Variants in SLC6A9 observed in about 807,000 individuals in gnomAD.
SLC6A9 encodes sodium- and chloride-dependent glycine transporter 1.
Under a neutral mutation model 70.9 loss-of-function variants are expected in SLC6A9, and 31 were observed. The ratio of observed to expected loss-of-function variants is 0.44; its 90% confidence interval spans 0.33 to 0.59. SLC6A9 has a LOEUF of 0.59. Ranked by LOEUF, SLC6A9 falls within the 20% of genes least tolerant of loss-of-function variation. SLC6A9 has a pLI of 0.04. For missense variants in SLC6A9, 631 were observed against 845.2 expected (o/e 0.75, Z 3.14); for synonymous variants, 310 against 341.3 (o/e 0.91, Z 1.01).
chr1:44,024,125 A>C (rs1571917323), intron 2 of SLC6A9, 123 bp downstream of exon 2: 1 of 973,104 alleles, frequency 1.0e-6, no homozygotes, highest in Non-Finnish European at 1.7e-6. Context: ...GGCCGGGGTC[A>C]GCTGGGCACT....
chr1:44,004,717 A>C (rs772112490), intron 5 of SLC6A9, among the ~76,000 whole-genome samples: 29 of 152,216 alleles, frequency 1.9e-4, no homozygotes, highest in Middle Eastern at 3.2e-3. Flanking sequence ...GCTAGCCTGG[A>C]AACCAAATGA....
At position 44,008,537 on chromosome 1, in the gene SLC6A9, A is replaced by G; in HGVS notation, c.406T>C (p.Ser136Pro). The G allele has an allele frequency of 6.2e-7, 1 of 1,614,112 alleles. No homozygotes were observed. The highest frequency in any genetic ancestry group is 8.5e-7 in the Non-Finnish European group (1 of 1,180,018). Reference sequence around the variant, plus strand: ...CAGGGCAGCACGTGCGTCATGGACGAGAAGAAGTAGTAGAAGGCGATGCAG... The same window carrying G: ...CAGGGCAGCACGTGCGTCATGGACGGGAAGAAGTAGTAGAAGGCGATGCAG... ...VICIAFYYFF[S>P]SMTHVLPWAY... The change falls in exon 5 of 14, where the codon TCG (serine) becomes CCG (proline). Residue 136 changes from serine (S) to proline (P), a missense_variant. Transcript: ENST00000372310.
intron 5 of SLC6A9, 43 bp downstream of exon 5, chr1:44,008,310 T>C: frequency 6.2e-7 from 1 of 1,602,920 alleles, no homozygotes; most frequent in African/African-American, 1.3e-5. Flanking sequence ...GGGACAGGGT[T>C]GCCACCAGGT....
Position 43,998,273 on chromosome 1 carries a change from G to A in SLC6A9, c.1537-248C>T, listed in dbSNP as rs189778107. Among the ~76,000 whole-genome samples, 550 of 152,352 alleles carry A rather than the reference G, an allele frequency of 3.6e-3. 5 individuals are homozygous for A. The highest frequency in any genetic ancestry group is 0.013 in the African/African-American group (521 of 41,582). On this transcript the variant is annotated intron_variant, in intron 12 of 13. Coordinates refer to ENST00000372310, the MANE Select transcript of SLC6A9 (RefSeq NM_001024845.3). ...TTTGCCACAGTCCTGAACTGGCCAA[G>A]CACAGTAGAGCTGCTGCCGCCTTTG...
rs1234252037 is a variant in SLC6A9 at position 43,997,168 on chromosome 1, G to A, written c.*377C>T. The A allele has an allele frequency of 8.2e-6, 2 of 244,476 alleles. No homozygotes were observed. Among genetic ancestry groups the A allele is most frequent in the Non-Finnish European group, 1.6e-5 (2 of 127,176 alleles). 15.1% of individuals were successfully genotyped at this position (244,476 alleles called of 1,614,324 possible). A position where few individuals can be genotyped will look rare whatever the true frequency, so the allele number is the denominator to read the frequency against. On this transcript the variant is annotated 3_prime_UTR_variant, in exon 14 of 14. Coordinates refer to ENST00000372310, the MANE Select transcript of SLC6A9 (RefSeq NM_001024845.3). This position sits in a 1 kb window ranked among gnomAD's most constrained non-coding sequence, Gnocchi z 4.4. ...CCTGGCAGAGGCTGGGGTCGGCTCT[G>A]AGGGCAGGAGCACTAGTCATGGGGC... is the stretch of plus-strand genomic sequence containing the variant.
chr1:44,012,978 T>C (rs2086624244), intron 2 of SLC6A9, among the ~76,000 whole-genome samples: 1 of 152,204 alleles, frequency 6.6e-6, no homozygotes, highest in Non-Finnish European at 1.5e-5. Flanking sequence ...GGGTGGTCTA[T>C]CTGGTCCCAA....
At chr1:44,007,231 A>C (rs971699096) in intron 5 of SLC6A9, among the ~76,000 whole-genome samples, 1 of 152,160 alleles carries the variant, frequency 6.6e-6, no homozygotes, top group Admixed American at 6.5e-5. Context: ...ACCCCTGCAC[A>C]TACCTGGACC....
intron 2 of SLC6A9, chr1:44,011,755 C>T: frequency 6.2e-7 from 1 of 1,609,206 alleles, no homozygotes; most frequent in Non-Finnish European, 8.5e-7. Flanking sequence ...TCAGGAGAGG[C>T]AGATGCGGGG....
At chr1:44,016,165 C>G (rs1477880978) in intron 2 of SLC6A9, among the ~76,000 whole-genome samples, 1 of 152,212 alleles carries the variant, frequency 6.6e-6, no homozygotes, top group Admixed American at 6.5e-5. Context: ...TGGCCAGCTC[C>G]TCGCTTCCCA....
Position 44,011,462 on chromosome 1 carries a change from C to T in SLC6A9, c.31-580G>A, listed in dbSNP as rs116801397. On this transcript the variant is annotated intron_variant, in intron 2 of 13. Coordinates refer to ENST00000372310, the MANE Select transcript of SLC6A9 (RefSeq NM_001024845.3). ...GGGGGAAATGGGGGAGCAGCTGAGC[C>T]GGGACAGACATGGGGAGGGCATTCT... The T allele has an allele frequency of 9.3e-4, 922 of 988,364 alleles. 7 individuals are homozygous for T. The African/African-American group carries it at 9.8e-3, about 10-fold the overall frequency. 61.2% of individuals were successfully genotyped at this position (988,364 alleles called of 1,614,324 possible).
At chr1:44,017,317 G>C in intron 2 of SLC6A9, 1 of 1,424,028 alleles carries the variant, frequency 7.0e-7, no homozygotes. Flanking sequence ...CTGGAGTGGG[G>C]TGTGTGGGGT....
chr1:43,997,830 C>CGGTA lies in SLC6A9; in HGVS notation c.1707+24_1707+25insTACC. 2.5e-6 allele frequency: 4 copies of CGGTA among 1,591,914 alleles called. No homozygotes were observed. Among genetic ancestry groups the CGGTA allele is most frequent in the Non-Finnish European group, 3.4e-6 (4 of 1,166,574 alleles). On this transcript the variant is annotated intron_variant, in intron 13 of 13. Transcript: ENST00000372310. This position sits in a 1 kb window ranked among gnomAD's most constrained non-coding sequence, Gnocchi z 4.4. Reference sequence around the variant, plus strand: ...AGCTGGCCCCTCCCATTTTGCCTGGCTACCCAGCCTGTCCCTGCCCTCACC... The same window carrying CGGTA: ...AGCTGGCCCCTCCCATTTTGCCTGGCGGTATACCCAGCCTGTCCCTGCCCTCACC...
chr1:44,020,001 G>A (rs1260901362), intron 2 of SLC6A9, among the ~76,000 whole-genome samples: 1 of 152,196 alleles, frequency 6.6e-6, no homozygotes, highest in Non-Finnish European at 1.5e-5. Context: ...AGGAAGCTGA[G>A]GAAGGCTGGA....
chr1:44,008,689 T>C, intron 4 of SLC6A9, 66 bp from the exon 5 acceptor site: 1 of 1,278,088 alleles, frequency 7.8e-7, no homozygotes, highest in Non-Finnish European at 1.1e-6. Flanking sequence ...GGTTAATAAT[T>C]TCTTTTTTTT....
Position 44,024,363 on chromosome 1 carries a change from C to A in SLC6A9, c.-85-1G>T, listed in dbSNP as rs1238670779. 16 of 1,531,680 alleles carry A rather than the reference C, an allele frequency of 1.0e-5. No individual in the cohort carries two copies. Among genetic ancestry groups the A allele is most frequent in the Non-Finnish European group, 1.3e-5 (14 of 1,105,216 alleles). The allele number at this position is 1,531,680 out of a possible 1,614,324, so 94.9% of individuals were successfully genotyped here. ...CCTTTCAGGCCACAGATCTCAAGAG[C>A]TGTGGAGAGAGCAGAGGGTGAGGTG... On this transcript the variant is annotated splice_acceptor_variant, in intron 1 of 13. Coordinates refer to ENST00000372310, the MANE Select transcript of SLC6A9 (RefSeq NM_001024845.3). LOFTEE classifies it low-confidence loss of function (5UTR_SPLICE).
At chr1:44,030,096 T>C (rs1398069756) in intron 1 of SLC6A9, among the ~76,000 whole-genome samples, 3 of 150,866 alleles carry the variant, frequency 2.0e-5, no homozygotes, top group Non-Finnish European at 4.4e-5. Flanking sequence ...CGAAAGGGGG[T>C]GCGGCTCCTT....
chr1:43,998,155 C>G lies in SLC6A9; in HGVS notation c.1537-130G>C, dbSNP rs1397919828. 1.1e-5 allele frequency: 9 copies of G among 841,950 alleles called. No individual in the cohort carries two copies. The East Asian group carries it at 2.4e-4, about 22-fold the overall frequency. The allele number at this position is 841,950 out of a possible 1,614,324, so 52.2% of individuals were successfully genotyped here. The stretch of plus-strand genomic sequence containing the variant: ...AAGGGCATTTGGGGCAGAACAGGGA[C>G]AGCTGTCAACATCTGGGCCGTGGAA... On this transcript the variant is annotated intron_variant, in intron 12 of 13. Coordinates refer to ENST00000372310, the MANE Select transcript of SLC6A9 (RefSeq NM_001024845.3).
Position 44,023,653 on chromosome 1 carries a change from A to T in SLC6A9, c.30+595T>A, listed in dbSNP as rs183571864. 9.6e-4 allele frequency among the ~76,000 whole-genome samples: 145 copies of T among 151,710 alleles called. 1 individual carries two copies. The East Asian group carries it at 0.027, about 28-fold the overall frequency. ...AGTGAGACTTAGTCTCAAAAAAATT[A>T]AAAAAAATAAAAAGAATCTCATCCA... On this transcript the variant is annotated intron_variant, in intron 2 of 13. Transcript: ENST00000372310.
intron 2 of SLC6A9, among the ~76,000 whole-genome samples, chr1:44,017,950 T>C (rs1316868006): frequency 6.6e-6 from 1 of 152,134 alleles, no homozygotes; most frequent in Non-Finnish European, 1.5e-5. Context: ...TCCAGTGGTG[T>C]CGTCACCATG....
Sources: allele counts gnomAD v4.1 joint callset (sites outside exome capture counted in the v4.1 genomes callset), GRCh38; gene constraint gnomAD v4.1.1; non-coding constraint Gnocchi (gnomAD v3.1); transcripts MANE v1.5; gene names NCBI Gene and HGNC (gene_info 2026-07-23, HGNC 2026-07-21).